CGGBP1: variants seen among roughly 807,000 people sequenced by gnomAD.
The protein encoded by CGGBP1 is CGG triplet repeat-binding protein 1.
In CGGBP1, 4 loss-of-function variants were observed where a neutral mutation model predicts 11.4. That is an observed-to-expected ratio of 0.35 (90% confidence interval 0.17 to 0.80). The LOEUF is 0.80. Among genes scored for constraint, CGGBP1 ranks in the 30% least tolerant of loss-of-function variants. The pLI, the probability that CGGBP1 is intolerant of heterozygous loss-of-function variation, is 0.52. For synonymous variants in CGGBP1, 76 were observed against 74.1 expected, an observed-to-expected ratio of 1.03 and a Z score of -0.13; for missense variants, 135 against 202.1, an observed-to-expected ratio of 0.67 and a Z score of 2.01.
At chr3:88,090,458 A>G (rs934738714) in intron 2 of CGGBP1, among the ~76,000 whole-genome samples, 3 of 152,188 alleles carry the variant, frequency 2.0e-5, no homozygotes, top group African/African-American at 7.2e-5. Flanking sequence ...AAATATTTTT[A>G]TACAGCTGTA....
At chr3:88,075,046 T>C (rs1707724453) in intron 2 of CGGBP1, among the ~76,000 whole-genome samples, 1 of 152,230 alleles carries the variant, frequency 6.6e-6, no homozygotes, top group African/African-American at 2.4e-5. Context: ...TTCTGTCTTT[T>C]TGCAAAGTTT....
At chr3:88,095,182 A>G (rs1270452004) in intron 2 of CGGBP1, among the ~76,000 whole-genome samples, 1 of 152,168 alleles carries the variant, frequency 6.6e-6, no homozygotes, top group East Asian at 1.9e-4. Flanking sequence ...TTTGTAGGGA[A>G]TAATTTTCAA....
chr3:88,104,416 G>A (rs1576286261), intron 2 of CGGBP1, among the ~76,000 whole-genome samples: 2 of 152,138 alleles, frequency 1.3e-5, no homozygotes, highest in Non-Finnish European at 2.9e-5. Context: ...TAGCAAGAAA[G>A]CAGCCATAAA....
At chr3:88,080,844 A>G (rs1708040440) in intron 2 of CGGBP1, among the ~76,000 whole-genome samples, 1 of 152,232 alleles carries the variant, frequency 6.6e-6, no homozygotes, top group Non-Finnish European at 1.5e-5. Flanking sequence ...TTTAAAACTG[A>G]ACTAATTTTA....
intron 2 of CGGBP1, among the ~76,000 whole-genome samples, chr3:88,136,532 T>G (rs1412974862): frequency 6.6e-6 from 1 of 152,210 alleles, no homozygotes; most frequent in Non-Finnish European, 1.5e-5. Flanking sequence ...CAGCTGAGTT[T>G]TCAATGACAT....
intron 2 of CGGBP1, among the ~76,000 whole-genome samples, chr3:88,088,753 T>TGGATGGATGG (rs1559701594): frequency 7.6e-5 from 9 of 118,186 alleles, no homozygotes; most frequent in African/African-American, 2.6e-4. Flanking sequence ...TTTATGTATG[T>TGGATGGATGG]ATGTATGTAT....
intron 2 of CGGBP1, among the ~76,000 whole-genome samples, chr3:88,102,817 C>CTTTTTTTTTTTTTTTTTTTT (rs10701359): frequency 9.4e-6 from 1 of 106,548 alleles, no homozygotes; most frequent in African/African-American, 3.4e-5. Context: ...CCTCTACTGT[C>CTTTTTTTTTTTTTTTTTTTT]TTTTTTTTTT....
At chr3:88,089,816 AT>A (rs1336548067) in intron 2 of CGGBP1, among the ~76,000 whole-genome samples, 1 of 152,184 alleles carries the variant, frequency 6.6e-6, no homozygotes, top group Admixed American at 6.5e-5. Flanking sequence ...TGAGAATGTC[AT>A]AAGATTTTGG....
chr3:88,107,889 T>G (rs1048704417), intron 2 of CGGBP1, among the ~76,000 whole-genome samples: 5 of 152,178 alleles, frequency 3.3e-5, no homozygotes, highest in African/African-American at 1.2e-4. Context: ...TATTTTATAT[T>G]CTGTATGATT....
At chr3:88,063,343 C>A (rs920506053), upstream of CGGBP1, among the ~76,000 whole-genome samples, 28 of 152,110 alleles carry the variant, frequency 1.8e-4, no homozygotes, top group African/African-American at 6.5e-4. Context: ...TTTTAATGAT[C>A]CTCAAATAGT....
chr3:88,108,754 G>A lies in CGGBP1; in HGVS notation c.-229+32216C>T, dbSNP rs527741705. ...TAATGGCCCCAAAGCCAAGAGTAGT[G>A]ATGCCAGTAATTCATATATGCCAAA... On this transcript the variant is annotated intron_variant, in intron 2 of 3. Transcript: ENST00000462901. Among the ~76,000 whole-genome samples the A allele has an allele frequency of 3.0e-4, 46 of 152,110 alleles. No homozygotes were observed. The South Asian group carries it at 8.9e-3, about 30-fold the overall frequency.
chr3:88,094,583 C>A (rs9310072), intron 2 of CGGBP1, among the ~76,000 whole-genome samples: 119,079 of 151,996 alleles, frequency 0.78, 47,559 homozygotes, highest in South Asian at 0.91. Context: ...TGATAGTTCT[C>A]TTGGTCAGTG....
chr3:88,108,154 T>C (rs1311666000), intron 2 of CGGBP1, among the ~76,000 whole-genome samples: 1 of 152,128 alleles, frequency 6.6e-6, no homozygotes, highest in African/African-American at 2.4e-5. Flanking sequence ...TTTGACCATG[T>C]AGGTATATGA....
chr3:88,121,812 G>T (rs1390038195), intron 2 of CGGBP1, among the ~76,000 whole-genome samples: 1 of 152,122 alleles, frequency 6.6e-6, no homozygotes, highest in Non-Finnish European at 1.5e-5. Flanking sequence ...ATTTGCTGCA[G>T]TAACTTGCTT....
chr3:88,070,029 T>G (rs1325848553), intron 2 of CGGBP1, among the ~76,000 whole-genome samples: 5 of 152,228 alleles, frequency 3.3e-5, no homozygotes, highest in African/African-American at 1.2e-4. Context: ...AATTTATTTT[T>G]AAAGTCTAAA....
At chr3:88,061,438 A>G (rs1314359779), upstream of CGGBP1, among the ~76,000 whole-genome samples, 1 of 152,192 alleles carries the variant, frequency 6.6e-6, no homozygotes, top group Non-Finnish European at 1.5e-5. Context: ...TTCTATTGCT[A>G]AATTATGTTA....
At chr3:88,139,961 T>C in intron 2 of CGGBP1, 1 of 1,613,694 alleles carries the variant, frequency 6.2e-7, no homozygotes, top group Non-Finnish European at 8.5e-7. Flanking sequence ...GGTTTCTAAA[T>C]AAACATGCAA....
In CGGBP1 at chr3:88,067,268, A is replaced by G. The variant is rs997857605; in HGVS notation, c.-228-9045T>C. Among the ~76,000 whole-genome samples, 3 of 152,220 alleles carry G rather than the reference A, an allele frequency of 2.0e-5. No homozygotes were observed. In the East Asian group the frequency reaches 5.8e-4, roughly 29 times the overall value. The stretch of plus-strand genomic sequence containing the variant: ...TAATAGCTTGACTATGTATATTTGG[A>G]TACCTGGGCAAGTTCTGCTCTACTG... On this transcript the variant is annotated intron_variant, in intron 2 of 3. Transcript: ENST00000462901.
chr3:88,073,440 C>T (rs1347793548), intron 2 of CGGBP1, among the ~76,000 whole-genome samples: 1 of 152,006 alleles, frequency 6.6e-6, no homozygotes, highest in Non-Finnish European at 1.5e-5. Flanking sequence ...TTTAAGATAC[C>T]ACAGGAGGTA....
Sources: allele counts gnomAD v4.1 joint callset (sites outside exome capture counted in the v4.1 genomes callset), GRCh38; gene constraint gnomAD v4.1.1; transcripts MANE v1.5; gene names NCBI Gene and HGNC (gene_info 2026-07-23, HGNC 2026-07-21).